Variants in EBF1 observed in about 807,000 individuals in gnomAD.
EBF1 encodes the protein EBF transcription factor 1, also known as transcription factor COE1.
In EBF1, 10 loss-of-function variants were observed where a neutral mutation model predicts 68.4. That is an observed-to-expected ratio of 0.15 (90% CI 0.09 to 0.25). The LOEUF is 0.25. EBF1 is among the 10% of genes least tolerant of loss of function. EBF1 has a pLI of 1.00. For synonymous variants in EBF1, 298 were observed against 299.8 expected (o/e 0.99, Z 0.06); for missense variants, 509 against 794.4 (o/e 0.64, Z 4.32).
chr5:158,952,001 C>G (rs1816116126), intron 6 of EBF1, among the ~76,000 whole-genome samples: 1 of 152,148 alleles, frequency 6.6e-6, no homozygotes, highest in African/African-American at 2.4e-5. Flanking sequence ...GACTACCGAG[C>G]ACTCAGGAGT....
intron 7 of EBF1, among the ~76,000 whole-genome samples, chr5:158,831,497 A>C (rs1051487332): frequency 1.3e-5 from 2 of 152,148 alleles, no homozygotes; most frequent in Admixed American, 6.5e-5. Flanking sequence ...TACTGGGGAC[A>C]GAGAGAGAGT....
In EBF1 at chr5:159,084,224, A is replaced by G. The variant is rs376846376; in HGVS notation, c.485+442T>C. ...GAAATGATGCCTAAGTGTGGACGTC[A>G]TATTTTCAAGTGGGAGAATTAGAAA... is the stretch of plus-strand genomic sequence containing the variant. On this transcript the variant is annotated intron_variant, in intron 5 of 15. Transcript: ENST00000313708. Among the ~76,000 whole-genome samples, 8 of 152,162 alleles carry G rather than the reference A, an allele frequency of 5.3e-5. No homozygotes were observed. In the East Asian group the frequency reaches 1.3e-3, roughly 26 times the overall value.
At chr5:158,704,723 G>T (rs1054887651) in intron 15 of EBF1, among the ~76,000 whole-genome samples, 1 of 151,866 alleles carries the variant, frequency 6.6e-6, no homozygotes, top group Non-Finnish European at 1.5e-5. Context: ...TGTGGCTCAA[G>T]CAAGAGTGCC....
rs3035121 is a variant in EBF1, at chr5:158,875,056, TACACACACACAC to T, written c.555-34958_555-34947del. On this transcript the variant is annotated intron_variant, in intron 6 of 15. Coordinates refer to ENST00000313708, the MANE Select transcript of EBF1 (RefSeq NM_024007.5). ...ACACACACAAGCACACACACACACATACACACACACACACACACACACACACACACACCAGGC... is the reference window on the plus strand; with the variant it reads ...ACACACACAAGCACACACACACACATACACACACACACACACACACCAGGC... 4.1e-5 allele frequency among the ~76,000 whole-genome samples: 6 copies of T among 147,410 alleles called. No individual in the cohort carries two copies. In the East Asian group the frequency reaches 6.0e-4, roughly 15 times the overall value.
chr5:158,881,468 C>T (rs933330235), intron 6 of EBF1, among the ~76,000 whole-genome samples: 3 of 152,188 alleles, frequency 2.0e-5, no homozygotes, highest in Non-Finnish European at 4.4e-5. Flanking sequence ...AAGAGGGGGC[C>T]ATACCTCCTC....
chr5:159,051,420 C>A (rs13190274), intron 6 of EBF1, among the ~76,000 whole-genome samples: 1 of 118,584 alleles, frequency 8.4e-6, no homozygotes, highest in African/African-American at 3.3e-5. Flanking sequence ...CCCTCCCCCC[C>A]GCTCCCGCAG....
intron 6 of EBF1, among the ~76,000 whole-genome samples, chr5:159,053,492 T>A (rs775822348): frequency 1.8e-4 from 27 of 152,176 alleles, no homozygotes; most frequent in Non-Finnish European, 3.7e-4. Context: ...ATTACAGGGA[T>A]TTATTCTTGC....
chr5:158,699,266 A>G (rs1581121848), intron 15 of EBF1, 124 bp from the exon 16 acceptor site: 3 of 934,970 alleles, frequency 3.2e-6, no homozygotes, highest in Non-Finnish European at 4.7e-6. Flanking sequence ...ATTAGCCACA[A>G]ATTTGCTCTC....
At chr5:158,929,876 C>T (rs376572584) in intron 6 of EBF1, among the ~76,000 whole-genome samples, 2 of 152,188 alleles carry the variant, frequency 1.3e-5, no homozygotes, top group African/African-American at 2.4e-5. Context: ...GCAACCTCTG[C>T]GATTTATCAC....
At chr5:158,737,265 G>GTTTTT (rs1491041647) in intron 10 of EBF1, among the ~76,000 whole-genome samples, 3 of 78,280 alleles carry the variant, frequency 3.8e-5, no homozygotes, top group Non-Finnish European at 5.1e-5. Context: ...AACATGCCCT[G>GTTTTT]ATTTTTTTTT....
At chr5:158,794,654 C>T (rs1779297242) in intron 9 of EBF1, among the ~76,000 whole-genome samples, 1 of 152,120 alleles carries the variant, frequency 6.6e-6, no homozygotes, top group South Asian at 2.1e-4. Flanking sequence ...AACAAGGAGT[C>T]CGTATTATAT....
In EBF1 at chr5:158,944,192, G is replaced by C. The variant is rs567484490; in HGVS notation, c.555-104082C>G. 3.3e-5 allele frequency among the ~76,000 whole-genome samples: 5 copies of C among 152,164 alleles called. No individual in the cohort carries two copies. In the South Asian group the frequency reaches 8.3e-4, roughly 25 times the overall value. ...ACCCATCAACCCGTCATCTACATTA[G>C]TTTCTCCTAATGCCATCCCTCCCCT... On this transcript the variant is annotated intron_variant, in intron 6 of 15. Coordinates refer to ENST00000313708, the MANE Select transcript of EBF1 (RefSeq NM_024007.5).
intron 1 of EBF1, chr5:159,097,746 G>A (rs1375335850): frequency 4.3e-6 from 1 of 233,390 alleles, no homozygotes; most frequent in Non-Finnish European, 8.5e-6. Flanking sequence ...AAGGGAAGAG[G>A]GGTGTTTTCT....
intron 6 of EBF1, among the ~76,000 whole-genome samples, chr5:158,956,462 GACAC>G (rs771015482): frequency 2.7e-5 from 4 of 150,238 alleles, no homozygotes; most frequent in East Asian, 2.0e-4. Context: ...CGCACACATA[GACAC>G]ACACACACAC....
chr5:158,718,411 C>T (rs897158677), intron 11 of EBF1, among the ~76,000 whole-genome samples: 1 of 152,158 alleles, frequency 6.6e-6, no homozygotes, highest in African/African-American at 2.4e-5. Flanking sequence ...TTTGCCTTCC[C>T]CTTTTTTTGG....
chr5:159,094,061 G>C (rs1183744265), intron 4 of EBF1, among the ~76,000 whole-genome samples: 1 of 132,562 alleles, frequency 7.5e-6, no homozygotes, highest in Non-Finnish European at 1.5e-5. Flanking sequence ...GGGTATCAAA[G>C]GCAATTTTTG....
intron 6 of EBF1, among the ~76,000 whole-genome samples, chr5:158,843,787 A>C (rs1198347504): frequency 6.6e-6 from 1 of 152,104 alleles, no homozygotes; most frequent in African/African-American, 2.4e-5. Context: ...AACTGAGAGG[A>C]GTTAGAAGGA....
intron 10 of EBF1, among the ~76,000 whole-genome samples, chr5:158,737,667 G>A (rs1765506645): frequency 6.6e-6 from 1 of 152,134 alleles, no homozygotes; most frequent in Non-Finnish European, 1.5e-5. Flanking sequence ...AAGGAAGCAA[G>A]GCCTCTCTAC....
chr5:158,890,719 A>T (rs968775012), intron 6 of EBF1, among the ~76,000 whole-genome samples: 2 of 152,210 alleles, frequency 1.3e-5, no homozygotes, highest in Non-Finnish European at 2.9e-5. Context: ...TATCAAATAT[A>T]CAAGAGTTTT....
Sources: gnomAD v4.1 joint callset for allele counts (sites outside exome capture counted in the v4.1 genomes callset) on GRCh38, gnomAD v4.1.1 for gene constraint, MANE v1.5 for transcripts, NCBI Gene and HGNC (gene_info 2026-07-23, HGNC 2026-07-21) for gene names.